Variants in PTK2 observed in about 807,000 individuals in gnomAD.
PTK2 encodes the protein focal adhesion kinase 1.
A neutral mutation model predicts 150.1 loss-of-function variants in PTK2; 45 were observed. That is an observed-to-expected ratio of 0.30 (90% confidence interval 0.24 to 0.38). PTK2 has a LOEUF of 0.38. Ranked by LOEUF, PTK2 falls within the 10% of genes least tolerant of loss-of-function variation. PTK2 has a pLI of 1.00. For missense variants in PTK2, 919 were observed against 1,307.3 expected, an observed-to-expected ratio of 0.70 and a Z score of 4.58; for synonymous variants, 432 against 449.2, an observed-to-expected ratio of 0.96 and a Z score of 0.48.
At chr8:140,926,002 C>T (rs1483816779) in intron 1 of PTK2, among the ~76,000 whole-genome samples, 3 of 152,180 alleles carry the variant, frequency 2.0e-5, no homozygotes, top group Admixed American at 1.3e-4. Flanking sequence ...CAACAAACTA[C>T]CCATGGGGTA....
intron 15 of PTK2, among the ~76,000 whole-genome samples, chr8:140,761,611 T>C (rs908025630): frequency 1.3e-5 from 2 of 152,154 alleles, no homozygotes; most frequent in Non-Finnish European, 2.9e-5. Flanking sequence ...TAAGAACTAT[T>C]AGTTTAGGTA....
chr8:140,816,597 A>T (rs1013545185), intron 10 of PTK2, among the ~76,000 whole-genome samples: 1 of 152,234 alleles, frequency 6.6e-6, no homozygotes, highest in African/African-American at 2.4e-5. Context: ...AAAGGGACTT[A>T]TTAATTTAAA....
At chr8:140,842,807 CTTTCT>C (rs747960050) in intron 7 of PTK2, among the ~76,000 whole-genome samples, 12 of 152,114 alleles carry the variant, frequency 7.9e-5, no homozygotes, top group Non-Finnish European at 1.8e-4. Flanking sequence ...AAAGATTCCT[CTTTCT>C]TTTAACTATC....
At position 140,680,436 on chromosome 8, in the gene PTK2, G is replaced by A. The variant is rs190602145; in HGVS notation, c.2563-4937C>T. ...GTAGAGACGGGGTTTTACCATGTTG[G>A]CCAGGCTGGTCTCGAACTCCTGACC... is the stretch of plus-strand genomic sequence containing the variant. On this transcript the variant is annotated intron_variant, in intron 27 of 31. Coordinates refer to ENST00000522684, the Ensembl canonical transcript of PTK2. Among the ~76,000 whole-genome samples, 337 of 152,176 alleles carry A rather than the reference G, an allele frequency of 2.2e-3. 1 individual carries two copies. Among genetic ancestry groups the A allele is most frequent in the African/African-American group, 7.1e-3 (293 of 41,514 alleles).
chr8:140,905,223 G>T (rs2100160368), intron 2 of PTK2, among the ~76,000 whole-genome samples: 1 of 152,108 alleles, frequency 6.6e-6, no homozygotes, highest in Non-Finnish European at 1.5e-5. Flanking sequence ...AAAAGACACA[G>T]ACTGGCAAAC....
intron 16 of PTK2, among the ~76,000 whole-genome samples, chr8:140,754,295 G>C (rs1046232979): frequency 6.6e-6 from 1 of 152,188 alleles, no homozygotes; most frequent in African/African-American, 2.4e-5. Flanking sequence ...CTAAATGTTT[G>C]AGTTTACAAC....
chr8:140,953,970 ATT>A (rs34475974), intron 1 of PTK2, among the ~76,000 whole-genome samples: 88 of 144,774 alleles, frequency 6.1e-4, no homozygotes, highest in Non-Finnish European at 8.3e-4. Context: ...GCTGGTCTGA[ATT>A]TTTTTTTTTT....
At chr8:140,803,754 C>T in intron 10 of PTK2, 104 bp from the exon 11 acceptor site, 1 of 1,053,874 alleles carries the variant, frequency 9.5e-7, no homozygotes, top group Non-Finnish European at 1.4e-6. Flanking sequence ...GACATCCTCC[C>T]TAAGACTGGA....
chr8:140,688,947 G>A (rs938895796), intron 26 of PTK2, among the ~76,000 whole-genome samples: 1 of 152,182 alleles, frequency 6.6e-6, no homozygotes. Flanking sequence ...AAAGTATGCT[G>A]TGTTTTTTAC....
At chr8:140,963,205 T>G (rs1196157221) in intron 1 of PTK2, among the ~76,000 whole-genome samples, 2 of 152,136 alleles carry the variant, frequency 1.3e-5, no homozygotes, top group African/African-American at 2.4e-5. Context: ...TAGCATCTCC[T>G]CTTAACTAAT....
At chr8:141,000,182 C>A (rs1356165710) in intron 1 of PTK2, among the ~76,000 whole-genome samples, 2 of 150,804 alleles carry the variant, frequency 1.3e-5, no homozygotes, top group Non-Finnish European at 2.9e-5. Flanking sequence ...GAGAGAAATT[C>A]GGCAAACAGT....
At chr8:140,933,140 C>G (rs761794203) in intron 1 of PTK2, among the ~76,000 whole-genome samples, 1 of 151,438 alleles carries the variant, frequency 6.6e-6, no homozygotes, top group South Asian at 2.1e-4. Context: ...TGTGAGCCAC[C>G]GCACATGGCC....
At chr8:140,756,691 CAAA>C (rs544200204) in intron 16 of PTK2, among the ~76,000 whole-genome samples, 5 of 99,454 alleles carry the variant, frequency 5.0e-5, no homozygotes, top group Admixed American at 1.1e-4. Context: ...AACTCTGTCT[CAAA>C]AAAAAAAAAA....
At chr8:140,922,991 A>G (rs1365394174) in intron 2 of PTK2, among the ~76,000 whole-genome samples, 2 of 152,200 alleles carry the variant, frequency 1.3e-5, no homozygotes, top group African/African-American at 4.8e-5. Flanking sequence ...AGAGGATGAG[A>G]GGACAAACAA....
At chr8:140,919,388 A>C (rs1019606066) in intron 2 of PTK2, among the ~76,000 whole-genome samples, 3 of 152,224 alleles carry the variant, frequency 2.0e-5, no homozygotes. Flanking sequence ...AAAACACTAT[A>C]ATCTCTTTTC....
At chr8:140,865,512 G>A (rs937688285) in intron 4 of PTK2, among the ~76,000 whole-genome samples, 2 of 152,104 alleles carry the variant, frequency 1.3e-5, no homozygotes, top group Admixed American at 6.6e-5. Context: ...TGGCTTAATG[G>A]TATTTTTTTT....
intron 1 of PTK2, among the ~76,000 whole-genome samples, chr8:140,972,805 A>C (rs1012856588): frequency 5.3e-5 from 8 of 152,174 alleles, no homozygotes; most frequent in African/African-American, 1.9e-4. Context: ...TAGCTTTCTC[A>C]GTTGCTTTTC....
In PTK2 at chr8:140,845,193, A is replaced by G. The variant is rs568735444; in HGVS notation, c.593+1067T>C. ...CACAAATATGGAATTCTAAATTGCG[A>G]ATCTCATCATATAATTGTCCTGCTT... is the stretch of plus-strand genomic sequence containing the variant. On this transcript the variant is annotated intron_variant, in intron 7 of 31. Transcript: ENST00000522684. 3.3e-5 allele frequency among the ~76,000 whole-genome samples: 5 copies of G among 152,292 alleles called. No individual in the cohort carries two copies. The South Asian group carries it at 6.2e-4, about 19-fold the overall frequency.
intron 14 of PTK2, chr8:140,764,648 T>C (rs1182234570): frequency 1.1e-5 from 4 of 353,052 alleles, no homozygotes; most frequent in African/African-American, 4.2e-5. Context: ...AAAACTACAG[T>C]TGTCTACTGG....
Sources: allele counts gnomAD v4.1 joint callset (sites outside exome capture counted in the v4.1 genomes callset), GRCh38; gene constraint gnomAD v4.1.1; transcripts MANE v1.5; gene names NCBI Gene and HGNC (gene_info 2026-07-23, HGNC 2026-07-21).